FBXW10B: variants seen among roughly 807,000 people sequenced by gnomAD.
The protein encoded by FBXW10B is F-box and WD repeat domain containing protein 10B.
the FBXW10B span, chr17:15,619,111 C>T: frequency 1.1e-5 from 17 of 1,613,804 alleles, no homozygotes; most frequent in Admixed American, 1.7e-5. Context: ...GAGTATAATT[C>T]GCCTTGGTCC....
chr17:15,596,463 C>G, the FBXW10B span: 2 of 1,432,244 alleles, frequency 1.4e-6, no homozygotes, highest in Non-Finnish European at 1.9e-6. Flanking sequence ...GGGAGCCCAC[C>G]CATCTCCTCC....
At chr17:15,615,867 G>T in the FBXW10B span, 1 of 1,610,410 alleles carries the variant, frequency 6.2e-7, no homozygotes, top group Admixed American at 1.7e-5. Context: ...TGAGGAAAAT[G>T]AGGTGGAGAG....
the FBXW10B span, among the ~76,000 whole-genome samples, chr17:15,578,837 A>C: frequency 6.6e-6 from 1 of 152,212 alleles, no homozygotes; most frequent in South Asian, 2.1e-4. Context: ...CCTCTGAATA[A>C]GAAGGCTGAA....
chr17:15,595,925 T>TA, the FBXW10B span, among the ~76,000 whole-genome samples: 2 of 151,390 alleles, frequency 1.3e-5, no homozygotes, highest in Non-Finnish European at 2.9e-5. Context: ...ACTCTTTTTT[T>TA]TTTTTTTGAG....
At chr17:15,601,521 A>C in the FBXW10B span, among the ~76,000 whole-genome samples, 69 of 152,272 alleles carry the variant, frequency 4.5e-4, no homozygotes, top group African/African-American at 1.6e-3. Context: ...ATTTACAAAA[A>C]TCAATTGCAT....
the FBXW10B span, among the ~76,000 whole-genome samples, chr17:15,601,090 C>T: frequency 1.5e-5 from 2 of 137,196 alleles, no homozygotes; most frequent in African/African-American, 5.4e-5. Flanking sequence ...TTGTCATTTG[C>T]AGTTGATAGG....
At chr17:15,611,938 G>A in the FBXW10B span, among the ~76,000 whole-genome samples, 1 of 152,210 alleles carries the variant, frequency 6.6e-6, no homozygotes, top group Non-Finnish European at 1.5e-5. Context: ...AAACCTGAAA[G>A]TGAGGGATGA....
the FBXW10B span, among the ~76,000 whole-genome samples, chr17:15,566,605 G>A: frequency 6.6e-6 from 1 of 151,786 alleles, no homozygotes; most frequent in Non-Finnish European, 1.5e-5. Flanking sequence ...CTGTCACCCA[G>A]GCTGGAGTGC....
chr17:15,580,699 C>T, the FBXW10B span, among the ~76,000 whole-genome samples: 1 of 146,710 alleles, frequency 6.8e-6, no homozygotes, highest in African/African-American at 2.5e-5. Flanking sequence ...GCTGATTTTA[C>T]AATTGGAGAG....
chr17:15,581,767 T>G, the FBXW10B span, among the ~76,000 whole-genome samples: 1 of 151,430 alleles, frequency 6.6e-6, no homozygotes, highest in African/African-American at 2.4e-5. Flanking sequence ...ACCACGTGGA[T>G]TCCTAACAAG....
chr17:15,585,467 G>T, the FBXW10B span, among the ~76,000 whole-genome samples: 2 of 152,112 alleles, frequency 1.3e-5, no homozygotes, highest in Non-Finnish European at 2.9e-5. Context: ...CCATGTCAAA[G>T]CATTCTTTTT....
the FBXW10B span, among the ~76,000 whole-genome samples, chr17:15,616,171 G>T: frequency 2.2e-4 from 34 of 151,748 alleles, no homozygotes; most frequent in South Asian, 6.7e-3. Context: ...CTTTTTTTTG[G>T]TTTGTTTGTT....
the FBXW10B span, among the ~76,000 whole-genome samples, chr17:15,616,073 C>T: frequency 0.014 from 2,058 of 152,080 alleles, 43 homozygotes; most frequent in African/African-American, 0.046. Context: ...AGGTCAGGAA[C>T]TGCAACAGGG....
the FBXW10B span, among the ~76,000 whole-genome samples, chr17:15,611,766 T>TGG: frequency 0.023 from 3,482 of 152,028 alleles, 51 homozygotes; most frequent in Non-Finnish European, 0.036. Flanking sequence ...TTTAAGCAGG[T>TGG]GGGGGGGCGC....
At chr17:15,591,183 A>G in the FBXW10B span, among the ~76,000 whole-genome samples, 1 of 152,238 alleles carries the variant, frequency 6.6e-6, no homozygotes, top group Non-Finnish European at 1.5e-5. Flanking sequence ...AGGCTAGAGA[A>G]AAAGAGCTTT....
chr17:15,614,814 G>A, the FBXW10B span, among the ~76,000 whole-genome samples: 18,751 of 152,122 alleles, frequency 0.12, 1,244 homozygotes, highest in East Asian at 0.16. Flanking sequence ...TTGTGTTTCC[G>A]ATGATATTTC....
chr17:15,589,155 A>G, the FBXW10B span: 2 of 1,612,738 alleles, frequency 1.2e-6, no homozygotes, highest in Non-Finnish European at 1.7e-6. Context: ...CCTGAGCTGT[A>G]GCACTTGGTT....
At chr17:15,616,811 CAA>C in the FBXW10B span, among the ~76,000 whole-genome samples, 9 of 64,634 alleles carry the variant, frequency 1.4e-4, no homozygotes, top group South Asian at 1.1e-3. Context: ...GACTCTGTCT[CAA>C]AAAAAAAAAA....
At chr17:15,597,773 T>C in the FBXW10B span, among the ~76,000 whole-genome samples, 2 of 117,268 alleles carry the variant, frequency 1.7e-5, no homozygotes, top group African/African-American at 7.3e-5. Flanking sequence ...TGAGACAAAA[T>C]ATAACAACAA....
Sources: allele counts gnomAD v4.1 joint callset (sites outside exome capture counted in the v4.1 genomes callset), GRCh38; gene constraint gnomAD v4.1.1; transcripts MANE v1.5; gene names NCBI Gene and HGNC (gene_info 2026-07-23, HGNC 2026-07-21).